Variants in LRRC56 observed in about 807,000 individuals in gnomAD.
LRRC56 encodes the protein leucine rich repeat containing 56.
Under a neutral mutation model 47.8 loss-of-function variants are expected in LRRC56, and 41 were observed. The observed-to-expected ratio is 0.86, with a 90% CI of 0.67 to 1.11. LRRC56 has a LOEUF of 1.11. LRRC56 is among the 50% of genes most tolerant of loss of function. LRRC56 has a pLI of 0.00. For missense variants in LRRC56, 759 were observed against 704.2 expected, an observed-to-expected ratio of 1.08 and a Z score of -0.88; for synonymous variants, 387 against 311.2, an observed-to-expected ratio of 1.24 and a Z score of -2.56.
Position 540,803 on chromosome 11 carries a change from G to T in LRRC56, c.119G>T (p.Ser40Ile), listed in dbSNP as rs764945065. Residue 40 changes from serine to isoleucine, a missense_variant, in exon 4 of 14, where the codon AGT (serine) becomes ATT (isoleucine). Coordinates refer to ENST00000270115, the MANE Select transcript of LRRC56 (RefSeq NM_198075.4). ...TGCCCACAGAGCAAGGGCCCTGGCA[G>T]TCAGAGGGACAGACTTGGAGAGCAG... ...NPCPQSKGPG[S>I]QRDRLGEQLV... The T allele has an allele frequency of 6.2e-7, 1 of 1,603,046 alleles. No homozygotes were observed. Among genetic ancestry groups the T allele is most frequent in the Admixed American group, 1.7e-5 (1 of 58,176 alleles).
At chr11:552,545 C>G (rs751523110) in intron 12 of LRRC56, 24 bp from the exon 13 acceptor site, 2 of 1,576,270 alleles carry the variant, frequency 1.3e-6, no homozygotes, top group East Asian at 2.3e-5. Context: ...AGGGCTGGAG[C>G]TTCTCCTCCT....
rs762528881 is a variant in LRRC56, at chr11:551,227, G to GC, written c.728dup (p.Arg244AlafsTer34). Reference sequence around the variant, plus strand: ...GCCGGCCGCACACACAGGCCCACCGGCCCCCCCGCGGCTGAGCCAGGACTG... The same window carrying GC: ...GCCGGCCGCACACACAGGCCCACCGGCCCCCCCCGCGGCTGAGCCAGGACTG... On this transcript the variant is annotated frameshift_variant, in exon 9 of 14. Coordinates refer to ENST00000270115, the MANE Select transcript of LRRC56 (RefSeq NM_198075.4). LOFTEE classifies it high-confidence loss of function. 1.6e-5 allele frequency: 24 copies of GC among 1,545,566 alleles called. No homozygotes were observed. In the East Asian group the frequency reaches 3.0e-4, roughly 19 times the overall value.
chr11:548,750 G>A (rs922955172), intron 6 of LRRC56, among the ~76,000 whole-genome samples: 1 of 152,160 alleles, frequency 6.6e-6, no homozygotes, highest in Non-Finnish European at 1.5e-5. Flanking sequence ...GAACCACCGC[G>A]CCCGGCCTCA....
upstream of LRRC56, among the ~76,000 whole-genome samples, chr11:536,052 G>T (rs45453193): frequency 2.0e-3 from 308 of 152,206 alleles, 1 homozygote; most frequent in Non-Finnish European, 2.7e-3. Flanking sequence ...GGGTCCGGTT[G>T]CCCGGCTGCC....
the LRRC56 span, among the ~76,000 whole-genome samples, chr11:516,035 T>G: frequency 6.6e-6 from 1 of 152,222 alleles, no homozygotes; most frequent in Non-Finnish European, 1.5e-5. Flanking sequence ...TCCTCTATTC[T>G]GTTCCACTGA....
intron 8 of LRRC56, 87 bp downstream of exon 8, chr11:550,359 G>A: frequency 3.9e-6 from 5 of 1,290,392 alleles, no homozygotes; most frequent in Middle Eastern, 2.7e-4. Flanking sequence ...CTCTGGCCAG[G>A]TACTTCTGTG....
upstream of LRRC56, among the ~76,000 whole-genome samples, chr11:533,115 A>G (rs559816237): frequency 2.0e-4 from 31 of 152,320 alleles, no homozygotes; most frequent in Non-Finnish European, 1.5e-5. Context: ...CTCTGGGGAC[A>G]AGAGGGGCCG....
At chr11:507,637 G>A in the LRRC56 span, among the ~76,000 whole-genome samples, 1 of 152,240 alleles carries the variant, frequency 6.6e-6, no homozygotes, top group Non-Finnish European at 1.5e-5. Context: ...GGGGCGCGGG[G>A]CGCGGCCCCC....
upstream of LRRC56, chr11:534,396 C>A: frequency 8.1e-7 from 1 of 1,228,818 alleles, no homozygotes; most frequent in Non-Finnish European, 1.2e-6. Context: ...GGGCCCTGCT[C>A]AGCCAGGCCC....
the LRRC56 span, chr11:532,455 C>T: frequency 2.8e-5 from 24 of 851,212 alleles, no homozygotes; most frequent in Non-Finnish European, 3.3e-5. Context: ...TTGCTTCCGT[C>T]CTTCCTTCCT....
the LRRC56 span, among the ~76,000 whole-genome samples, chr11:519,023 C>T: frequency 6.6e-6 from 1 of 152,212 alleles, no homozygotes; most frequent in Non-Finnish European, 1.5e-5. Context: ...GGGGAGGCTT[C>T]TCCGAAAGCC....
chr11:533,994 A>T (rs1851292692), upstream of LRRC56: 1 of 1,572,140 alleles, frequency 6.4e-7, no homozygotes, highest in African/African-American at 1.3e-5. Flanking sequence ...CCGTGGGGGG[A>T]GTTCACACAG....
the LRRC56 span, among the ~76,000 whole-genome samples, chr11:526,306 C>G: frequency 6.6e-6 from 1 of 152,190 alleles, no homozygotes; most frequent in Non-Finnish European, 1.5e-5. Flanking sequence ...AAGGAGACGT[C>G]CAGGCTGTGG....
upstream of LRRC56, chr11:532,552 C>A (rs938933407): frequency 6.4e-7 from 1 of 1,556,548 alleles, no homozygotes; most frequent in Non-Finnish European, 8.6e-7. Flanking sequence ...GGCTGCTGAC[C>A]GCAGGCCAGG....
chr11:511,021 C>T, the LRRC56 span, among the ~76,000 whole-genome samples: 1 of 151,920 alleles, frequency 6.6e-6, no homozygotes, highest in Non-Finnish European at 1.5e-5. Flanking sequence ...ACACGCAGCA[C>T]GTGAAATGGG....
chr11:532,660 C>T (rs748639813), upstream of LRRC56: 16 of 1,612,628 alleles, frequency 9.9e-6, no homozygotes, highest in Admixed American at 1.5e-4. Context: ...ACTTGCAGCT[C>T]ATGCAGCCGG....
Position 552,787 on chromosome 11 carries a change from T to C in LRRC56, c.1315+85T>C, listed in dbSNP as rs12361383. ...AGGGGGGCCCTTACCCCAGATCAGA[T>C]GTGTCAACCTGGCCCTGCTTCCTCA... On this transcript the variant is annotated intron_variant, in intron 13 of 13. Transcript: ENST00000270115. 1,108,251 of 1,200,316 alleles carry C rather than the reference T, an allele frequency of 0.92. 512,521 individuals carry two copies. Among genetic ancestry groups the C allele is most frequent in the Admixed American group, 0.96 (39,675 of 41,242 alleles). The allele number at this position is 1,200,316 out of a possible 1,614,324, so 74.4% of individuals were successfully genotyped here.
chr11:535,239 C>G (rs1851398814), upstream of LRRC56: 1 of 149,374 alleles, frequency 6.7e-6, no homozygotes. Context: ...CCCGCCGCAG[C>G]CCCCGACGCC....
upstream of LRRC56, chr11:534,475 C>T (rs984453028): frequency 2.8e-5 from 18 of 644,622 alleles, no homozygotes; most frequent in Middle Eastern, 4.1e-4. Context: ...CACAGCGGTC[C>T]CTGGGCCCCA....
Sources: allele counts gnomAD v4.1 joint callset (sites outside exome capture counted in the v4.1 genomes callset), GRCh38; gene constraint gnomAD v4.1.1; transcripts MANE v1.5; gene names NCBI Gene and HGNC (gene_info 2026-07-23, HGNC 2026-07-21).